Variants in NME7 observed in about 807,000 individuals in gnomAD.
NME7 encodes nucleoside diphosphate kinase 7.
Under a neutral mutation model 49.1 loss-of-function variants are expected in NME7, and 41 were observed. That is an observed-to-expected ratio of 0.83 (90% CI 0.65 to 1.08). The LOEUF (loss-of-function observed/expected upper bound fraction) is 1.08, where lower values mean the gene tolerates loss of function less well. Ranked by LOEUF, NME7 falls within the 50% of genes least tolerant of loss-of-function variation. The probability of loss-of-function intolerance (pLI) is 0.00; values close to 1 mark genes in which losing one functional copy is unlikely to be tolerated. For missense variants in NME7, 423 were observed against 463.4 expected (o/e 0.91, Z 0.80); for synonymous variants, 139 against 150.6 (o/e 0.92, Z 0.56).
At chr1:169,264,100 C>A (rs1045275582) in intron 7 of NME7, among the ~76,000 whole-genome samples, 3 of 133,532 alleles carry the variant, frequency 2.2e-5, no homozygotes, top group South Asian at 2.3e-4. Context: ...CTGAGAGAAG[C>A]ACTAGATATG....
chr1:169,172,960 T>A (rs1659647631), intron 10 of NME7, among the ~76,000 whole-genome samples: 1 of 152,218 alleles, frequency 6.6e-6, no homozygotes, highest in Non-Finnish European at 1.5e-5. Flanking sequence ...TCCCTTATAT[T>A]CTGTATCTTA....
chr1:169,342,626 C>G (rs186721095), intron 1 of NME7, among the ~76,000 whole-genome samples: 5,489 of 21,696 alleles, frequency 0.25, 1,542 homozygotes, highest in Admixed American at 0.37. Flanking sequence ...TATACAAGTA[C>G]ATATATATAG....
intron 7 of NME7, among the ~76,000 whole-genome samples, chr1:169,249,715 T>A (rs575469033): frequency 6.6e-6 from 1 of 152,284 alleles, no homozygotes; most frequent in Non-Finnish European, 1.5e-5. Flanking sequence ...GAAATGCTTT[T>A]TCTGCATCTA....
At chr1:169,148,906 T>C (rs573833748) in intron 11 of NME7, among the ~76,000 whole-genome samples, 1 of 152,338 alleles carries the variant, frequency 6.6e-6, no homozygotes, top group African/African-American at 2.4e-5. Flanking sequence ...TGTATTGTCC[T>C]TGGCATCTTT....
intron 7 of NME7, among the ~76,000 whole-genome samples, chr1:169,247,885 T>C (rs938474362): frequency 6.6e-6 from 1 of 152,192 alleles, no homozygotes; most frequent in Non-Finnish European, 1.5e-5. Flanking sequence ...CACTCATTCG[T>C]TAATGGACAC....
chr1:169,292,654 G>A (rs1650550231), intron 6 of NME7, among the ~76,000 whole-genome samples: 1 of 152,104 alleles, frequency 6.6e-6, no homozygotes, highest in African/African-American at 2.4e-5. Flanking sequence ...CCATGTCAAG[G>A]AGCTTGAACT....
At chr1:169,195,546 G>A (rs904405663) in intron 10 of NME7, among the ~76,000 whole-genome samples, 2 of 152,136 alleles carry the variant, frequency 1.3e-5, no homozygotes, top group East Asian at 3.8e-4. Context: ...TTTAAAATTA[G>A]GTTCTTTGAG....
intron 1 of NME7, among the ~76,000 whole-genome samples, chr1:169,343,324 T>C (rs946254713): frequency 1.3e-5 from 2 of 152,074 alleles, no homozygotes; most frequent in Non-Finnish European, 2.9e-5. Flanking sequence ...TCTTTCTACA[T>C]GTAGATATAT....
Position 169,324,410 on chromosome 1 carries a change from C to A in NME7, c.94G>T (p.Asp32Tyr). 1 of 1,611,278 alleles carries A rather than the reference C, an allele frequency of 6.2e-7. No homozygotes were observed. The change falls in exon 2 of 12, where the codon GAT becomes TAT. Residue 32 changes from aspartate to tyrosine, a missense_variant. Asp to Tyr is a radical substitution (Grantham distance 160). Coordinates refer to ENST00000367811, the MANE Select transcript of NME7 (RefSeq NM_013330.5). ...RRYELLFYPG[D>Y]GSVEMHDVKN... ...TTATTTACCATTTCAACAGATCCAT[C>A]CCCTGGGTAAAATAAAAGCTCATAA...
At chr1:169,198,200 T>A (rs931623955) in intron 10 of NME7, among the ~76,000 whole-genome samples, 32 of 152,022 alleles carry the variant, frequency 2.1e-4, no homozygotes, top group African/African-American at 7.7e-4. Flanking sequence ...AAAGTCATAC[T>A]AACATATACT....
intron 10 of NME7, among the ~76,000 whole-genome samples, chr1:169,171,082 A>G (rs1659572863): frequency 6.6e-6 from 1 of 152,156 alleles, no homozygotes; most frequent in African/African-American, 2.4e-5. Context: ...AGTTCCAGTA[A>G]ACTGTTTTAT....
At chr1:169,260,161 G>A (rs1384340566) in intron 7 of NME7, among the ~76,000 whole-genome samples, 1 of 133,152 alleles carries the variant, frequency 7.5e-6, no homozygotes, top group African/African-American at 2.5e-5. Context: ...TGAACCATAG[G>A]TTTTCTAGAG....
chr1:169,132,673 T>C lies in NME7; in HGVS notation c.*112A>G. The C allele has an allele frequency of 1.0e-6, 1 of 975,072 alleles. No homozygotes were observed. The highest frequency in any genetic ancestry group is 1.6e-5 in the South Asian group (1 of 62,796). 60.4% of individuals were successfully genotyped at this position (975,072 alleles called of 1,614,324 possible). A position where few individuals can be genotyped will look rare whatever the true frequency, so the allele number is the denominator to read the frequency against. Reference sequence around the variant, plus strand: ...CAGGAGTACAGTGCTCTTGTTGATCTTGTATTCAGTCAGGTTAAAACAACG... The same window carrying C: ...CAGGAGTACAGTGCTCTTGTTGATCCTGTATTCAGTCAGGTTAAAACAACG... On this transcript the variant is annotated 3_prime_UTR_variant, in exon 12 of 12. Transcript: ENST00000367811.
intron 7 of NME7, among the ~76,000 whole-genome samples, chr1:169,244,166 C>T (rs1208660136): frequency 6.6e-6 from 1 of 151,964 alleles, no homozygotes; most frequent in East Asian, 1.9e-4. Context: ...GTAGTAAATT[C>T]TGAATTGTTC....
chr1:169,310,025 T>G lies in NME7; in HGVS notation c.334A>C (p.Ile112Leu), dbSNP rs1218263704. ...ATAGTAAATCCAGCTTTGTTTATTA[T>G]TTCAATTATTTCTCCAGCCTTTGAT... ...AISKAGEIIEIINKAGFTITK... is the reference protein window; with the variant it reads ...AISKAGEIIELINKAGFTITK... The change falls in exon 4 of 12, where the codon ATA becomes CTA. Residue 112 changes from isoleucine to leucine, a missense_variant. Ile to Leu is a conservative substitution (Grantham distance 5). Coordinates refer to ENST00000367811, the MANE Select transcript of NME7 (RefSeq NM_013330.5). The G allele has an allele frequency of 6.2e-7, 1 of 1,608,982 alleles. No individual in the cohort carries two copies. Among genetic ancestry groups the G allele is most frequent in the Admixed American group, 1.7e-5 (1 of 59,250 alleles).
intron 11 of NME7, among the ~76,000 whole-genome samples, chr1:169,152,067 T>C (rs1658929736): frequency 6.6e-6 from 1 of 152,198 alleles, no homozygotes; most frequent in African/African-American, 2.4e-5. Context: ...ACAGTGAAAT[T>C]AGAGTTTTAA....
intron 7 of NME7, chr1:169,284,437 T>C (rs932131174): frequency 6.6e-6 from 1 of 152,090 alleles, no homozygotes; most frequent in Non-Finnish European, 1.5e-5. Flanking sequence ...TTTAATGAGG[T>C]TGTTTTTTCT....
At chr1:169,357,074 T>C (rs1192488888) in intron 1 of NME7, among the ~76,000 whole-genome samples, 1 of 152,130 alleles carries the variant, frequency 6.6e-6, no homozygotes, top group East Asian at 1.9e-4. Flanking sequence ...ATGCTTACAG[T>C]GTATAAAGCA....
rs116422067 is a variant in NME7 at position 169,211,889 on chromosome 1, A to G, written c.990+18829T>C. Among the ~76,000 whole-genome samples the G allele has an allele frequency of 6.8e-3, 1,042 of 152,288 alleles. 15 individuals are homozygous for G. Among genetic ancestry groups the G allele is most frequent in the African/African-American group, 0.024 (979 of 41,578 alleles). ...TTCAATACTATTATATTTGAATAAA[A>G]TTTTAATTTTCATAGAAAAATATGA... On this transcript the variant is annotated intron_variant, in intron 10 of 11. Transcript: ENST00000367811.
Sources: gnomAD v4.1 joint callset for allele counts (sites outside exome capture counted in the v4.1 genomes callset) on GRCh38, gnomAD v4.1.1 for gene constraint, MANE v1.5 for transcripts, NCBI Gene and HGNC (gene_info 2026-07-23, HGNC 2026-07-21) for gene names.